GNAS: variants seen among roughly 807,000 people sequenced by gnomAD.
GNAS encodes the protein protein ALEX.
A neutral mutation model predicts 54.5 loss-of-function variants in GNAS; 8 were observed. The observed-to-expected ratio is 0.15, with a 90% CI of 0.09 to 0.26. The LOEUF is 0.26. Ranked by LOEUF, GNAS falls within the 10% of genes least tolerant of loss-of-function variation. The pLI is 1.00. For missense variants in GNAS, 170 were observed against 529.8 expected (o/e 0.32, Z 6.67); for synonymous variants, 204 against 191.4 (o/e 1.07, Z -0.54).
At chr20:58,855,329 T>G in intron 1 of GNAS, 1 of 1,567,874 alleles carries the variant, frequency 6.4e-7, no homozygotes, top group South Asian at 1.2e-5. Flanking sequence ...GCCTGCTGCT[T>G]CTAGGTAATG....
Position 58,841,411 on chromosome 20 carries a change from T to C in GNAS, c.43+525T>C. On this transcript the variant is annotated intron_variant, in intron 1 of 12. Transcript: ENST00000306090. The surrounding 1 kb of genome is among the most constrained non-coding windows in gnomAD (Gnocchi z 5.0). ...TCTGAATGGGAATGGGCGAGAACTC[T>C]AGAGACTGACCACCCGGGAGGGAAG... The C allele has an allele frequency of 1.0e-6, 1 of 995,744 alleles. No homozygotes were observed. Among genetic ancestry groups the C allele is most frequent in the Non-Finnish European group, 1.2e-6 (1 of 836,170 alleles). The allele number at this position is 995,744 out of a possible 1,614,324, so 61.7% of individuals were successfully genotyped here.
At chr20:58,892,025 C>G (rs1407614499) in intron 1 of GNAS, 160 bp downstream of exon 1, 30 of 837,096 alleles carry the variant, frequency 3.6e-5, no homozygotes, top group Non-Finnish European at 4.2e-5. Flanking sequence ...GAAGGGGGAC[C>G]CAGGGGCGCG....
At chr20:58,872,386 T>G (rs1416419074) in intron 1 of GNAS, among the ~76,000 whole-genome samples, 1 of 152,084 alleles carries the variant, frequency 6.6e-6, no homozygotes. Flanking sequence ...TTGATAATTA[T>G]CCAGAACAAA....
chr20:58,908,890 T>C, intron 6 of GNAS: 2 of 549,498 alleles, frequency 3.6e-6, no homozygotes, highest in South Asian at 1.9e-5. Flanking sequence ...GTGGCCCCAC[T>C]GCGTCGAGGC....
rs759138150 is a variant in GNAS, at chr20:58,853,992, T to TC, written c.43+13109dup. On this transcript the variant is annotated intron_variant, in intron 1 of 12. Transcript: ENST00000306090. This position sits in a 1 kb window ranked among gnomAD's most constrained non-coding sequence, Gnocchi z 4.4. ...GGACGACAGCCCACCCCCGGGGCTT[T>TC]CCCGAGTTATCGCACAAGTCGACGG... is the stretch of plus-strand genomic sequence containing the variant. 1.2e-6 allele frequency: 2 copies of TC among 1,612,068 alleles called. No homozygotes were observed. Among genetic ancestry groups the TC allele is most frequent in the South Asian group, 1.1e-5 (1 of 91,028 alleles).
At chr20:58,848,453 C>T (rs560706909) in intron 1 of GNAS, among the ~76,000 whole-genome samples, 5 of 152,330 alleles carry the variant, frequency 3.3e-5, no homozygotes, top group African/African-American at 1.2e-4. Flanking sequence ...TCAGTCCTAT[C>T]ACATATTTAT....
upstream of GNAS, chr20:58,839,992 G>A (rs151179443): frequency 0.011 from 12,556 of 1,174,274 alleles, 163 homozygotes; most frequent in Admixed American, 0.051. Context: ...GGACCTCCGG[G>A]CCAGCTTCTC....
In GNAS at chr20:58,910,669, G is replaced by T; in HGVS notation, c.1039-14G>T. 20 of 1,614,106 alleles carry T rather than the reference G, an allele frequency of 1.2e-5. No homozygotes were observed. Among genetic ancestry groups the T allele is most frequent in the Non-Finnish European group, 1.6e-5 (19 of 1,180,004 alleles). On this transcript the variant is annotated splice_polypyrimidine_tract_variant and intron_variant, in intron 12 of 12. Transcript: ENST00000371085. This position sits in a 1 kb window ranked among gnomAD's most constrained non-coding sequence, Gnocchi z 5.8. ...GAGGGTGTCACTGACAAGTCCCCTTGTTTGTGCCCGCAGAGGATCAGCACT... is the reference window on the plus strand; with the variant it reads ...GAGGGTGTCACTGACAAGTCCCCTTTTTTGTGCCCGCAGAGGATCAGCACT...
At chr20:58,892,933 C>A (rs2089627831) in intron 1 of GNAS, among the ~76,000 whole-genome samples, 1 of 131,090 alleles carries the variant, frequency 7.6e-6, no homozygotes, top group Non-Finnish European at 1.6e-5. Context: ...TTAAAAAAAA[C>A]ACATTTTCCT....
intron 6 of GNAS, among the ~76,000 whole-genome samples, chr20:58,907,130 G>A (rs1282695972): frequency 1.3e-5 from 2 of 152,166 alleles, no homozygotes; most frequent in East Asian, 3.8e-4. Context: ...CAGGAGGGAG[G>A]AAGAGGTAAT....
intron 1 of GNAS, among the ~76,000 whole-genome samples, chr20:58,871,147 G>C (rs1271375408): frequency 6.6e-6 from 1 of 152,234 alleles, no homozygotes; most frequent in Admixed American, 6.5e-5. Context: ...AGCAGGGAAA[G>C]AATTGAGGTT....
Position 58,877,148 on chromosome 20 carries a change from A to ATT in GNAS, c.44-18455_44-18454dup, listed in dbSNP as rs3215656. ...ACTTTAATTATGATGAAAGAACAAG[A>ATT]TTTTTTTTTTCCGGTTTTTACAGAG... On this transcript the variant is annotated intron_variant, in intron 1 of 12. Coordinates refer to the GNAS transcript ENST00000306090. 2.2e-4 allele frequency among the ~76,000 whole-genome samples: 33 copies of ATT among 149,830 alleles called. 1 individual carries two copies. The highest frequency in any genetic ancestry group is 8.5e-4 in the South Asian group (4 of 4,682).
chr20:58,874,771 C>T (rs1395732606), intron 1 of GNAS, among the ~76,000 whole-genome samples: 5 of 152,358 alleles, frequency 3.3e-5, no homozygotes, highest in African/African-American at 9.6e-5. Context: ...ATCTTAGTTC[C>T]AGTCCTCCAT....
chr20:58,882,804 C>G (rs1280093769), intron 1 of GNAS: 1 of 152,140 alleles, frequency 6.6e-6, no homozygotes, highest in Non-Finnish European at 1.5e-5. Context: ...ATGGCCATTT[C>G]TTACATAATG....
At chr20:58,889,010 C>A, upstream of GNAS, 1 of 958,110 alleles carries the variant, frequency 1.0e-6, no homozygotes, top group Admixed American at 6.3e-5. Context: ...GTCCCGGCAC[C>A]GGCCTGCACC....
intron 3 of GNAS, 67 bp from the exon 4 acceptor site, chr20:58,903,464 T>G (rs758774796): frequency 7.8e-7 from 1 of 1,289,354 alleles, no homozygotes; most frequent in East Asian, 2.3e-5. Flanking sequence ...GGGATGTCTT[T>G]ATGAAAGCAG....
At chr20:58,849,779 C>T (rs1219041185) in intron 1 of GNAS, among the ~76,000 whole-genome samples, 2 of 152,240 alleles carry the variant, frequency 1.3e-5, no homozygotes, top group East Asian at 3.8e-4. Flanking sequence ...CTTCCTTCAC[C>T]GTGCTAGGTC....
At position 58,909,256 on chromosome 20, in the gene GNAS, C is replaced by G. The variant is rs199817220; in HGVS notation, c.585+40C>G. The G allele has an allele frequency of 4.5e-4, 715 of 1,596,206 alleles. No homozygotes were observed. Among genetic ancestry groups the G allele is most frequent in the Non-Finnish European group, 5.6e-4 (648 of 1,163,606 alleles). ...TCCCCACCAGAGGACTCTGAGCCCT[C>G]TTTCCAAACTACTCCAGACCTTTGC... On this transcript the variant is annotated intron_variant, in intron 7 of 12. Transcript: ENST00000371085. The surrounding 1 kb of genome is among the most constrained non-coding windows in gnomAD (Gnocchi z 7.3).
intron 6 of GNAS, chr20:58,908,940 C>G (rs1057058260): frequency 3.0e-6 from 2 of 663,414 alleles, no homozygotes; most frequent in African/African-American, 1.8e-5. Context: ...TTCCCTGATT[C>G]CTAAAATTAT....
Sources: gnomAD v4.1 joint callset for allele counts (sites outside exome capture counted in the v4.1 genomes callset) on GRCh38, gnomAD v4.1.1 for gene constraint, Gnocchi (gnomAD v3.1) non-coding constraint, MANE v1.5 for transcripts, NCBI Gene and HGNC (gene_info 2026-07-23, HGNC 2026-07-21) for gene names.